Variants in ZNF600 observed in about 807,000 individuals in gnomAD.
ZNF600 encodes the protein zinc finger protein 600, also known as zinc finger protein KR-ZNF1.
Under a neutral mutation model 7.3 loss-of-function variants are expected in ZNF600, and 4 were observed. The ratio of observed to expected loss-of-function variants is 0.55; its 90% CI spans 0.27 to 1.25. ZNF600 has a LOEUF of 1.25. Among genes scored for constraint, ZNF600 ranks in the 50% most tolerant of loss-of-function variants. The probability of loss-of-function intolerance (pLI) is 0.12; values close to 1 mark genes in which losing one functional copy is unlikely to be tolerated. For synonymous variants in ZNF600, 290 were observed against 308.9 expected, an observed-to-expected ratio of 0.94 and a Z score of 0.64; for missense variants, 911 against 922.1, an observed-to-expected ratio of 0.99 and a Z score of 0.16.
At chr19:52,803,060 C>T in the ZNF600 span, among the ~76,000 whole-genome samples, 8 of 150,650 alleles carry the variant, frequency 5.3e-5, no homozygotes, top group South Asian at 6.3e-4. Context: ...CGCACACGGC[C>T]GACTTTTAAA....
chr19:52,821,391 G>A, the ZNF600 span, among the ~76,000 whole-genome samples: 1 of 152,140 alleles, frequency 6.6e-6, no homozygotes, highest in Admixed American at 6.5e-5. Flanking sequence ...GAAAGACCCG[G>A]GACGGGACCA....
the ZNF600 span, chr19:52,807,755 G>A: frequency 4.9e-6 from 3 of 616,896 alleles, no homozygotes; most frequent in Admixed American, 3.4e-5. Flanking sequence ...GATAACAGGC[G>A]TGAGCCACCA....
In ZNF600 at chr19:52,777,242, G is replaced by A. The variant is rs1172063619; in HGVS notation, c.63+1584C>T. Among the ~76,000 whole-genome samples, 22 of 151,626 alleles carry A rather than the reference G, an allele frequency of 1.5e-4. 1 individual carries two copies. In the South Asian group the frequency reaches 2.1e-3, roughly 14 times the overall value. On this transcript the variant is annotated intron_variant, in intron 2 of 3. Transcript: ENST00000648973. ...AAATACAAAAAATTAAACAGGCGAG[G>A]CAGCAAATGCCTGTAATCCCAGATA...
chr19:52,800,473 G>A, the ZNF600 span: 1 of 1,613,606 alleles, frequency 6.2e-7, no homozygotes, highest in Non-Finnish European at 8.5e-7. Flanking sequence ...TGAAGTCTAT[G>A]ATGGCGTGCA....
the ZNF600 span, among the ~76,000 whole-genome samples, chr19:52,804,659 C>T: frequency 3.9e-5 from 6 of 152,220 alleles, no homozygotes; most frequent in East Asian, 9.6e-4. Flanking sequence ...GTGTGAGCCA[C>T]TGCACCTAGC....
intron 2 of ZNF600, 116 bp downstream of exon 4, chr19:52,778,710 G>T: frequency 2.2e-6 from 3 of 1,383,798 alleles, no homozygotes; most frequent in Non-Finnish European, 1.9e-6. Flanking sequence ...GCATGGCTGA[G>T]TGTGAGTGAA....
At chr19:52,822,299 T>G in the ZNF600 span, among the ~76,000 whole-genome samples, 1 of 152,108 alleles carries the variant, frequency 6.6e-6, no homozygotes, top group African/African-American at 2.4e-5. Context: ...CTCGAACTCC[T>G]GACTTCAAGT....
At chr19:52,821,421 C>G in the ZNF600 span, among the ~76,000 whole-genome samples, 1 of 152,102 alleles carries the variant, frequency 6.6e-6, no homozygotes, top group Non-Finnish European at 1.5e-5. Flanking sequence ...CGACTTTAAA[C>G]CTAAAAAGAA....
the ZNF600 span, chr19:52,800,928 T>A: frequency 1.2e-6 from 2 of 1,614,184 alleles, no homozygotes; most frequent in Non-Finnish European, 1.7e-6. Flanking sequence ...ACTGAAAACT[T>A]TGTCACATTC....
At chr19:52,780,150 C>A (rs2062708715) in intron 1 of ZNF600, among the ~76,000 whole-genome samples, 1 of 152,200 alleles carries the variant, frequency 6.6e-6, no homozygotes. Context: ...CAATGTACTT[C>A]TTACATATAT....
chr19:52,792,755 C>T, the ZNF600 span, among the ~76,000 whole-genome samples: 50 of 151,444 alleles, frequency 3.3e-4, no homozygotes, highest in East Asian at 7.8e-3. Context: ...ATTTTTGAGA[C>T]GGAGTTTCAC....
chr19:52,764,549 TCA>T, exon 4 of ZNF600: 1 of 144,936 alleles, frequency 6.9e-6, no homozygotes, highest in African/African-American at 2.6e-5. Flanking sequence ...AGACAGATTC[TCA>T]CTGTCGCCCA....
the ZNF600 span, among the ~76,000 whole-genome samples, chr19:52,811,157 G>GT: frequency 1.3e-5 from 2 of 151,018 alleles, no homozygotes; most frequent in East Asian, 3.9e-4. Context: ...GCCTCCCGAG[G>GT]TGCCGGGATT....
At chr19:52,787,859 C>CAA (rs561775430), upstream of ZNF600, among the ~76,000 whole-genome samples, 24 of 84,548 alleles carry the variant, frequency 2.8e-4, no homozygotes, top group African/African-American at 9.0e-4. Flanking sequence ...GGCTACGTCT[C>CAA]AAAAAAAAAA....
chr19:52,809,047 T>C, the ZNF600 span, among the ~76,000 whole-genome samples: 2 of 152,170 alleles, frequency 1.3e-5, no homozygotes, highest in African/African-American at 2.4e-5. Context: ...GATATATATG[T>C]ACATATATGA....
At chr19:52,779,733 C>T (rs950053539) in intron 1 of ZNF600, among the ~76,000 whole-genome samples, 14 of 152,080 alleles carry the variant, frequency 9.2e-5, no homozygotes, top group Non-Finnish European at 1.0e-4. Context: ...GTGCCTCCTT[C>T]GAAAGACTAA....
At chr19:52,797,398 C>T in the ZNF600 span, 14 of 152,360 alleles carry the variant, frequency 9.2e-5, no homozygotes, top group East Asian at 2.7e-3. Flanking sequence ...AGAAATCGAA[C>T]TCATCCAAAT....
the ZNF600 span, among the ~76,000 whole-genome samples, chr19:52,816,036 G>A: frequency 1.8e-3 from 258 of 146,914 alleles, 42 homozygotes; most frequent in African/African-American, 5.8e-3. Context: ...ACACGTGTAC[G>A]AGACTCGCTC....
the ZNF600 span, among the ~76,000 whole-genome samples, chr19:52,803,868 A>C: frequency 6.6e-6 from 1 of 152,186 alleles, no homozygotes; most frequent in Non-Finnish European, 1.5e-5. Flanking sequence ...CTGAGGCAGA[A>C]AACATTTGTA....
Sources: allele counts gnomAD v4.1 joint callset (sites outside exome capture counted in the v4.1 genomes callset), GRCh38; gene constraint gnomAD v4.1.1; transcripts MANE v1.5; gene names NCBI Gene and HGNC (gene_info 2026-07-23, HGNC 2026-07-21).